Variants in KAZN observed in about 807,000 individuals in gnomAD.
KAZN encodes kazrin.
KAZN carries 40 observed loss-of-function variants against 87.4 expected under a neutral mutation model. The ratio of observed to expected loss-of-function variants is 0.46; its 90% CI spans 0.36 to 0.60. The LOEUF is 0.60. Ranked by LOEUF, KAZN falls within the 20% of genes least tolerant of loss-of-function variation. The pLI, the probability that KAZN is intolerant of heterozygous loss-of-function variation, is 0.00. For missense variants in KAZN, 898 were observed against 1,073.9 expected, an observed-to-expected ratio of 0.84 and a Z score of 2.29; for synonymous variants, 466 against 458.3, an observed-to-expected ratio of 1.02 and a Z score of -0.22.
At chr1:14,726,391 G>A (rs10927520) in intron 1 of KAZN, among the ~76,000 whole-genome samples, 41,204 of 152,116 alleles carry the variant, frequency 0.27, 5,993 homozygotes, top group Middle Eastern at 0.45. Flanking sequence ...AGAAGGAAGC[G>A]TCCCCTGGGA....
rs141446155 is a variant in KAZN at position 13,910,571 on chromosome 1, G to T, written c.91+16815G>T. 4.3e-3 allele frequency among the ~76,000 whole-genome samples: 650 copies of T among 151,832 alleles called. 2 individuals are homozygous for T. The highest frequency in any genetic ancestry group is 7.5e-3 in the Non-Finnish European group (509 of 67,966). Reference sequence around the variant, plus strand: ...CCTGCTTCACCATATAAAGTTCCTGGCTCCCCATTTGCCTTCTGCCCCAAT... The same window carrying T: ...CCTGCTTCACCATATAAAGTTCCTGTCTCCCCATTTGCCTTCTGCCCCAAT... On this transcript the variant is annotated intron_variant, in intron 1 of 16. Coordinates refer to the KAZN transcript ENST00000636203.
At position 15,066,905 on chromosome 1, in the gene KAZN, A is replaced by G. The variant is rs1021086744; in HGVS notation, c.1222+1152A>G. On this transcript the variant is annotated intron_variant, in intron 8 of 14. Coordinates refer to ENST00000376030, the MANE Select transcript of KAZN (RefSeq NM_201628.3). The surrounding 1 kb of genome is among the most constrained non-coding windows in gnomAD (Gnocchi z 4.3). ...GAGCTCCCTCCAGGCCTTTCTCTAT[A>G]TATTTATTTATCTGACATACAGAAC... 4.1e-6 allele frequency: 4 copies of G among 985,116 alleles called. No individual in the cohort carries two copies. Among genetic ancestry groups the G allele is most frequent in the African/African-American group, 3.5e-5 (2 of 57,154 alleles). The allele number at this position is 985,116 out of a possible 1,614,324, so 61.0% of individuals were successfully genotyped here.
intron 2 of KAZN, among the ~76,000 whole-genome samples, chr1:14,497,540 G>T (rs1557759214): frequency 6.6e-6 from 1 of 152,040 alleles, no homozygotes; most frequent in Non-Finnish European, 1.5e-5. Flanking sequence ...GATGAATAGA[G>T]TCACCAGAAG....
At chr1:14,221,323 A>G (rs1193040413) in intron 2 of KAZN, among the ~76,000 whole-genome samples, 1 of 152,172 alleles carries the variant, frequency 6.6e-6, no homozygotes, top group Non-Finnish European at 1.5e-5. Context: ...ACACTAAGAA[A>G]CCAACAGCAT....
chr1:14,524,607 T>C (rs1671769078), intron 2 of KAZN, among the ~76,000 whole-genome samples: 1 of 152,218 alleles, frequency 6.6e-6, no homozygotes, highest in African/African-American at 2.4e-5. Context: ...CATTATCTAA[T>C]GGCCAACCTG....
At chr1:14,286,179 T>C (rs1366861829) in intron 2 of KAZN, among the ~76,000 whole-genome samples, 1 of 152,108 alleles carries the variant, frequency 6.6e-6, no homozygotes, top group Non-Finnish European at 1.5e-5. Context: ...AAGGCATTGG[T>C]AGGGTTGGTT....
At chr1:14,647,729 T>C (rs759713358) in intron 1 of KAZN, among the ~76,000 whole-genome samples, 5 of 152,188 alleles carry the variant, frequency 3.3e-5, no homozygotes, top group Non-Finnish European at 7.3e-5. Flanking sequence ...TTTGACCCCT[T>C]CTACTTTGTA....
intron 1 of KAZN, among the ~76,000 whole-genome samples, chr1:14,617,253 A>G (rs1678322093): frequency 1.3e-5 from 2 of 152,262 alleles, no homozygotes; most frequent in South Asian, 4.1e-4. Flanking sequence ...CAAATATCGA[A>G]ATAAAGTGAG....
chr1:14,180,591 A>G, exon 2 of KAZN: 1 of 1,547,214 alleles, frequency 6.5e-7, no homozygotes. Flanking sequence ...ATGGATGCTC[A>G]GGTACAAAGA....
At chr1:14,921,820 T>C (rs529309536) in intron 1 of KAZN, among the ~76,000 whole-genome samples, 1 of 152,378 alleles carries the variant, frequency 6.6e-6, no homozygotes, top group African/African-American at 2.4e-5. Flanking sequence ...CAAGTGATTC[T>C]CCTGCCTCAG....
intron 1 of KAZN, among the ~76,000 whole-genome samples, chr1:14,794,574 T>C (rs1362095338): frequency 6.6e-6 from 1 of 152,196 alleles, no homozygotes; most frequent in Non-Finnish European, 1.5e-5. Flanking sequence ...TTTGCCAATT[T>C]CCTTGATGTA....
intron 1 of KAZN, among the ~76,000 whole-genome samples, chr1:14,759,591 G>A (rs887176958): frequency 6.6e-6 from 1 of 152,166 alleles, no homozygotes; most frequent in Non-Finnish European, 1.5e-5. Context: ...GCAAGAGAGT[G>A]TGGCCAGCGT....
intron 1 of KAZN, among the ~76,000 whole-genome samples, chr1:14,043,606 T>C (rs950983399): frequency 4.4e-5 from 4 of 91,398 alleles, no homozygotes; most frequent in Non-Finnish European, 7.9e-5. Flanking sequence ...ACACTTGTTA[T>C]TTTCTGTTTT....
intron 2 of KAZN, among the ~76,000 whole-genome samples, chr1:14,517,114 C>T (rs1308020358): frequency 1.3e-5 from 2 of 152,128 alleles, no homozygotes; most frequent in African/African-American, 2.4e-5. Context: ...CCTGGCCAAC[C>T]AGTGTTTTCC....
At position 14,607,157 on chromosome 1, in the gene KAZN, A is replaced by G. The variant is rs538900384; in HGVS notation, c.226+7934A>G. On this transcript the variant is annotated intron_variant, in intron 1 of 14. Coordinates refer to ENST00000376030, the MANE Select transcript of KAZN (RefSeq NM_201628.3). ...GGTCTACTTTATACATGGTATCATGAGGATCATTGATTTAATGATAGATGA... is the reference window on the plus strand; with the variant it reads ...GGTCTACTTTATACATGGTATCATGGGGATCATTGATTTAATGATAGATGA... 2.6e-5 allele frequency among the ~76,000 whole-genome samples: 4 copies of G among 152,338 alleles called. No individual in the cohort carries two copies. The East Asian group carries it at 7.7e-4, about 29-fold the overall frequency.
chr1:13,974,740 AT>A (rs998571553), intron 1 of KAZN, among the ~76,000 whole-genome samples: 1 of 152,114 alleles, frequency 6.6e-6, no homozygotes, highest in Non-Finnish European at 1.5e-5. Context: ...TGGATTTGGG[AT>A]TTCCAGCCTC....
chr1:15,105,248 C>A (rs138727593), intron 13 of KAZN, among the ~76,000 whole-genome samples: 17 of 152,256 alleles, frequency 1.1e-4, no homozygotes, highest in Non-Finnish European at 2.5e-4. Context: ...GTTTGTTATT[C>A]TTTAGACATT....
chr1:14,883,366 A>G (rs1355402943), intron 1 of KAZN, among the ~76,000 whole-genome samples: 1 of 67,464 alleles, frequency 1.5e-5, no homozygotes, highest in Non-Finnish European at 3.0e-5. Flanking sequence ...AAAGAAAGAA[A>G]GAAAGAAAGA....
intron 1 of KAZN, among the ~76,000 whole-genome samples, chr1:13,912,255 C>A (rs751107559): frequency 2.0e-5 from 3 of 152,142 alleles, no homozygotes; most frequent in Non-Finnish European, 4.4e-5. Context: ...AGAGAACCCC[C>A]GTCTTTCCTC....
Sources: gnomAD v4.1 joint callset for allele counts (sites outside exome capture counted in the v4.1 genomes callset) on GRCh38, gnomAD v4.1.1 for gene constraint, Gnocchi (gnomAD v3.1) non-coding constraint, MANE v1.5 for transcripts, NCBI Gene and HGNC (gene_info 2026-07-23, HGNC 2026-07-21) for gene names.